Variants in CACHD1 observed in about 807,000 individuals in gnomAD.
CACHD1 encodes the protein cache domain containing 1.
Under a neutral mutation model 138.7 loss-of-function variants are expected in CACHD1, and 71 were observed. That is an observed-to-expected ratio of 0.51 (90% CI 0.42 to 0.62). CACHD1 has a LOEUF of 0.62. Among genes scored for constraint, CACHD1 ranks in the 20% least tolerant of loss-of-function variants. CACHD1 has a pLI of 0.00. For missense variants in CACHD1, 1,389 were observed against 1,625.3 expected (o/e 0.85, Z 2.50); for synonymous variants, 578 against 591.5 (o/e 0.98, Z 0.33).
chr1:64,512,409 A>G (rs1348064577), intron 1 of CACHD1, among the ~76,000 whole-genome samples: 2 of 151,170 alleles, frequency 1.3e-5, no homozygotes, highest in Non-Finnish European at 2.9e-5. Context: ...AAAAAAAAAA[A>G]AAAAAAAAAA....
At chr1:64,513,135 G>A (rs1346549908) in intron 1 of CACHD1, among the ~76,000 whole-genome samples, 1 of 152,158 alleles carries the variant, frequency 6.6e-6, no homozygotes, top group African/African-American at 2.4e-5. Flanking sequence ...ATATTTCTGT[G>A]TTCATCTGGG....
intron 4 of CACHD1, among the ~76,000 whole-genome samples, chr1:64,623,811 A>T (rs1371725767): frequency 6.6e-6 from 1 of 152,214 alleles, no homozygotes; most frequent in East Asian, 1.9e-4. Flanking sequence ...AGCAATTCAG[A>T]CAGATACAGA....
At chr1:64,498,517 C>T (rs555239693) in intron 1 of CACHD1, among the ~76,000 whole-genome samples, 4 of 152,320 alleles carry the variant, frequency 2.6e-5, no homozygotes, top group African/African-American at 9.6e-5. Context: ...CGCAATGTGG[C>T]TTCTTGCCCA....
chr1:64,684,505 G>A (rs1306319600), intron 26 of CACHD1, among the ~76,000 whole-genome samples: 2 of 151,314 alleles, frequency 1.3e-5, no homozygotes, highest in South Asian at 2.1e-4. Context: ...TTGCACAGCT[G>A]TACAATGTGT....
At chr1:64,630,365 C>T (rs1254718720) in intron 5 of CACHD1, among the ~76,000 whole-genome samples, 2 of 150,926 alleles carry the variant, frequency 1.3e-5, no homozygotes, top group African/African-American at 2.4e-5. Context: ...TGCAATGGCA[C>T]GATCTCAGCT....
intron 8 of CACHD1, among the ~76,000 whole-genome samples, chr1:64,647,235 A>C (rs1441079323): frequency 6.6e-6 from 1 of 152,202 alleles, no homozygotes; most frequent in African/African-American, 2.4e-5. Context: ...AATATCAAGC[A>C]TGAATATGTT....
In CACHD1 at chr1:64,658,734, T is replaced by G. The variant is rs767313163; in HGVS notation, c.1812T>G (p.Ile604Met). 1 of 1,612,036 alleles carries G rather than the reference T, an allele frequency of 6.2e-7. No individual in the cohort carries two copies. The change falls in exon 13 of 27, where the codon ATT becomes ATG. Residue 604 changes from isoleucine to methionine, a missense_variant. Physicochemically the swap from Ile to Met is conservative, Grantham distance 10. Coordinates refer to ENST00000651257, the MANE Select transcript of CACHD1 (RefSeq NM_020925.4). The stretch of plus-strand genomic sequence containing the variant: ...AAGACACTTCCTTTATTCTGTGTAT[T>G]GTGGTGATACAACCAGAAATACCTG... ...MVQDTSFILC[I>M]VVIQPEIPVK...
chr1:64,684,772 T>C (rs1178309595), intron 26 of CACHD1, among the ~76,000 whole-genome samples: 1 of 152,154 alleles, frequency 6.6e-6, no homozygotes, highest in Non-Finnish European at 1.5e-5. Flanking sequence ...CCATTTATGG[T>C]AAGTGCTCTA....
At chr1:64,657,673 A>C (rs1207609126) in intron 12 of CACHD1, among the ~76,000 whole-genome samples, 1 of 152,186 alleles carries the variant, frequency 6.6e-6, no homozygotes, top group Non-Finnish European at 1.5e-5. Flanking sequence ...AGAGTCTACA[A>C]CCATCCTCAC....
chr1:64,535,979 G>A (rs1646630014), intron 1 of CACHD1, among the ~76,000 whole-genome samples: 1 of 152,108 alleles, frequency 6.6e-6, no homozygotes, highest in Non-Finnish European at 1.5e-5. Context: ...GCTCCCCATC[G>A]TATTCCTCAC....
chr1:64,582,145 T>C lies in CACHD1; in HGVS notation c.262-11T>C. On this transcript the variant is annotated splice_polypyrimidine_tract_variant and intron_variant, in intron 2 of 26. Transcript: ENST00000651257. Reference sequence around the variant, plus strand: ...GACTTTCGATTTATTTTGCTCACTGTCATCCCACAGCTAGCCAAAAAAATC... The same window carrying C: ...GACTTTCGATTTATTTTGCTCACTGCCATCCCACAGCTAGCCAAAAAAATC... The C allele has an allele frequency of 6.2e-7, 1 of 1,613,446 alleles. No homozygotes were observed. Among genetic ancestry groups the C allele is most frequent in the South Asian group, 1.1e-5 (1 of 90,970 alleles).
At position 64,523,294 on chromosome 1, in the gene CACHD1, A is replaced by T. The variant is rs941014813; in HGVS notation, c.199-27300A>T. ...TGACTATGAGTTGGAAATTACTGAA[A>T]CTAGGTAATGGGTATGTGGGGGTTT... On this transcript the variant is annotated intron_variant, in intron 1 of 26. Coordinates refer to ENST00000651257, the MANE Select transcript of CACHD1 (RefSeq NM_020925.4). Among the ~76,000 whole-genome samples the T allele has an allele frequency of 3.3e-5, 5 of 152,292 alleles. No individual in the cohort carries two copies. The South Asian group carries it at 8.3e-4, about 25-fold the overall frequency.
intron 1 of CACHD1, among the ~76,000 whole-genome samples, chr1:64,478,975 TAA>T (rs76928740): frequency 1.1e-4 from 15 of 136,462 alleles, no homozygotes; most frequent in African/African-American, 1.1e-4. Flanking sequence ...TAATTCAGTT[TAA>T]AAAAAAAAAA....
chr1:64,644,025 A>G (rs1395138800), intron 8 of CACHD1, among the ~76,000 whole-genome samples: 1 of 152,238 alleles, frequency 6.6e-6, no homozygotes, highest in Non-Finnish European at 1.5e-5. Flanking sequence ...AGGTGCTCAC[A>G]TACTGTCCTC....
At chr1:64,553,387 A>G (rs1180931915) in intron 2 of CACHD1, among the ~76,000 whole-genome samples, 1 of 152,178 alleles carries the variant, frequency 6.6e-6, no homozygotes, top group Non-Finnish European at 1.5e-5. Flanking sequence ...CTTTAGGGAC[A>G]TGTTTACCTC....
At chr1:64,578,997 A>AT (rs1215735158) in intron 2 of CACHD1, among the ~76,000 whole-genome samples, 1 of 152,174 alleles carries the variant, frequency 6.6e-6, no homozygotes, top group Non-Finnish European at 1.5e-5. Context: ...CTACACTAGG[A>AT]TTATGGCACC....
rs1400411943 is a variant in CACHD1 at position 64,647,916 on chromosome 1, G to A, written c.1272G>A (p.Met424Ile). ...TGCCTGTGATTAAGGGCAGCATGAT[G>A]GTGCTGAATCAGTTGAGCAACCTGG... ...MALPVIKGSM[M>I]VLNQLSNLET... is the part of the protein sequence containing the mutation. The change falls in exon 9 of 27, where the codon ATG (methionine) becomes ATA (isoleucine). Residue 424 changes from methionine (M) to isoleucine (I), a missense_variant. Met to Ile is a conservative substitution (Grantham distance 10). Coordinates refer to ENST00000651257, the MANE Select transcript of CACHD1 (RefSeq NM_020925.4). 6 of 1,613,992 alleles carry A rather than the reference G, an allele frequency of 3.7e-6. No individual in the cohort carries two copies. Among genetic ancestry groups the A allele is most frequent in the Non-Finnish European group, 5.1e-6 (6 of 1,179,986 alleles).
chr1:64,529,760 C>A (rs1646567529), intron 1 of CACHD1, among the ~76,000 whole-genome samples: 2 of 152,176 alleles, frequency 1.3e-5, no homozygotes, highest in African/African-American at 4.8e-5. Context: ...ATATTTGACC[C>A]TATGTTATGT....
intron 2 of CACHD1, among the ~76,000 whole-genome samples, chr1:64,561,093 C>G (rs1303599344): frequency 6.6e-6 from 1 of 150,954 alleles, no homozygotes; most frequent in African/African-American, 2.4e-5. Flanking sequence ...TAAATCTATT[C>G]TGAAAATTTC....
Sources: allele counts gnomAD v4.1 joint callset (sites outside exome capture counted in the v4.1 genomes callset), GRCh38; gene constraint gnomAD v4.1.1; transcripts MANE v1.5; gene names NCBI Gene and HGNC (gene_info 2026-07-23, HGNC 2026-07-21).